LYPD6B: variants seen among roughly 807,000 people sequenced by gnomAD.
The protein encoded by LYPD6B is ly6/PLAUR domain-containing protein 6B.
LYPD6B carries 17 observed loss-of-function variants against 22.8 expected under a neutral mutation model. That is an observed-to-expected ratio of 0.75 (90% CI 0.51 to 1.12). The LOEUF (loss-of-function observed/expected upper bound fraction) is 1.12. LYPD6B is among the 50% of genes most tolerant of loss of function. The pLI, the probability that LYPD6B is intolerant of heterozygous loss-of-function variation, is 0.00. For missense variants in LYPD6B, 221 were observed against 258.3 expected, an observed-to-expected ratio of 0.86 and a Z score of 0.99; for synonymous variants, 106 against 91.6, an observed-to-expected ratio of 1.16 and a Z score of -0.90.
intron 1 of LYPD6B, among the ~76,000 whole-genome samples, chr2:149,079,316 A>T (rs1330335279): frequency 6.6e-6 from 1 of 152,180 alleles, no homozygotes; most frequent in Non-Finnish European, 1.5e-5. Flanking sequence ...TACTAAATCG[A>T]ATCTAGATGT....
intron 3 of LYPD6B, chr2:149,204,405 AC>A (rs1427334943): frequency 6.5e-6 from 1 of 154,350 alleles, no homozygotes; most frequent in African/African-American, 2.4e-5. Context: ...TTTTCTTGCT[AC>A]CAGTTCTGCC....
At chr2:149,175,061 C>G (rs1723310) in intron 3 of LYPD6B, among the ~76,000 whole-genome samples, 57,249 of 113,216 alleles carry the variant, frequency 0.51, 13,833 homozygotes, top group Non-Finnish European at 0.53. Context: ...CTCTCTCTCT[C>G]TGTGTGTGTG....
chr2:149,139,455 A>G (rs536667291), intron 2 of LYPD6B, among the ~76,000 whole-genome samples: 2 of 152,306 alleles, frequency 1.3e-5, no homozygotes, highest in East Asian at 3.9e-4. Context: ...CCCCTCTTGT[A>G]ATAATGTCAC....
At chr2:149,088,974 A>G (rs989644369) in intron 1 of LYPD6B, among the ~76,000 whole-genome samples, 48 of 152,160 alleles carry the variant, frequency 3.2e-4, no homozygotes, top group African/African-American at 1.1e-3. Context: ...GAGCTACCAC[A>G]TACTTCCTTT....
At chr2:149,054,004 T>C (rs1683678702) in intron 1 of LYPD6B, among the ~76,000 whole-genome samples, 2 of 152,374 alleles carry the variant, frequency 1.3e-5, no homozygotes, top group African/African-American at 2.4e-5. Context: ...CATTTATCAG[T>C]TGATGGACAT....
chr2:149,130,784 G>A (rs1687980224), intron 1 of LYPD6B, 99 bp from the exon 2 acceptor site: 2 of 612,126 alleles, frequency 3.3e-6, no homozygotes, highest in South Asian at 4.4e-5. Context: ...TCTTTATGAT[G>A]TGTCCCCAGC....
intron 2 of LYPD6B, among the ~76,000 whole-genome samples, chr2:149,149,575 G>A (rs994931737): frequency 1.3e-5 from 2 of 152,174 alleles, no homozygotes; most frequent in Non-Finnish European, 2.9e-5. Context: ...CTGCCTTTGA[G>A]GAATTTATAT....
intron 1 of LYPD6B, among the ~76,000 whole-genome samples, chr2:149,058,214 C>T (rs1683898691): frequency 6.6e-6 from 1 of 152,218 alleles, no homozygotes; most frequent in South Asian, 2.1e-4. Context: ...ATTCCCAAGC[C>T]TCCATCAAGC....
chr2:149,192,950 G>A (rs1692588434), intron 3 of LYPD6B, among the ~76,000 whole-genome samples: 1 of 152,100 alleles, frequency 6.6e-6, no homozygotes, highest in South Asian at 2.1e-4. Flanking sequence ...GGGGAGTGAT[G>A]AGCCCTGAAG....
intron 1 of LYPD6B, among the ~76,000 whole-genome samples, chr2:149,094,876 C>T (rs1206643696): frequency 6.6e-6 from 1 of 152,150 alleles, no homozygotes; most frequent in Non-Finnish European, 1.5e-5. Context: ...GCAACTCCAA[C>T]AGTTGCTATC....
chr2:149,070,349 A>ACATCTACAAG (rs1684539462), intron 1 of LYPD6B, among the ~76,000 whole-genome samples: 1 of 152,108 alleles, frequency 6.6e-6, no homozygotes, highest in Non-Finnish European at 1.5e-5. Context: ...CTACAAGTTT[A>ACATCTACAAG]TTCCTTCTGC....
intron 1 of LYPD6B, among the ~76,000 whole-genome samples, chr2:149,088,275 G>A (rs1435491330): frequency 6.6e-6 from 1 of 152,084 alleles, no homozygotes; most frequent in Non-Finnish European, 1.5e-5. Context: ...AACTGTTTAG[G>A]ATTTAGGGAT....
chr2:149,209,376 T>C (rs944196736), intron 5 of LYPD6B, among the ~76,000 whole-genome samples: 1 of 152,086 alleles, frequency 6.6e-6, no homozygotes, highest in African/African-American at 2.4e-5. Context: ...AGGTGAATGA[T>C]TGAATGCATA....
chr2:149,208,327 A>G lies in LYPD6B; in HGVS notation c.243A>G (p.Pro81=). The stretch of plus-strand genomic sequence containing the variant: ...TTTTCTTTAAAGCTACACCATTTCC[A>G]AATAGCTTCAAGTGCTTTACTTGTG... ...VRPPLDPTPF[P]NSFKCFTCEN... Residue 81 remains proline (P), a synonymous_variant, in exon 5 of 7, where the codon CCA becomes CCG. Coordinates refer to ENST00000409642, the MANE Select transcript of LYPD6B (RefSeq NM_177964.5). The G allele has an allele frequency of 6.2e-7, 1 of 1,613,554 alleles. No individual in the cohort carries two copies. Among genetic ancestry groups the G allele is most frequent in the Non-Finnish European group, 8.5e-7 (1 of 1,179,572 alleles).
At chr2:149,052,202 A>T (rs4667362) in intron 1 of LYPD6B, among the ~76,000 whole-genome samples, 1 of 151,660 alleles carries the variant, frequency 6.6e-6, no homozygotes, top group South Asian at 2.1e-4. Context: ...AATTACAAGC[A>T]CGCCCCACCA....
chr2:149,201,045 G>A (rs886987839), intron 3 of LYPD6B, among the ~76,000 whole-genome samples: 2 of 152,164 alleles, frequency 1.3e-5, no homozygotes, highest in Admixed American at 1.3e-4. Flanking sequence ...TTGAAGTCAC[G>A]ATACCTAATA....
intron 2 of LYPD6B, among the ~76,000 whole-genome samples, chr2:149,154,485 AT>A (rs35656092): frequency 0.77 from 117,519 of 151,702 alleles, 45,947 homozygotes; most frequent in Non-Finnish European, 0.83. Context: ...TTAAGCCACC[AT>A]TTTTTTTTGT....
intron 3 of LYPD6B, among the ~76,000 whole-genome samples, chr2:149,201,026 G>C (rs573463117): frequency 1.3e-5 from 2 of 152,338 alleles, no homozygotes; most frequent in East Asian, 3.9e-4. Flanking sequence ...AAAATGTTTT[G>C]AGCTACGCTT....
At chr2:149,181,633 A>T (rs1053349659) in intron 3 of LYPD6B, among the ~76,000 whole-genome samples, 1 of 152,168 alleles carries the variant, frequency 6.6e-6, no homozygotes, top group African/African-American at 2.4e-5. Context: ...TCATTGCTTG[A>T]AAGACTCTAA....
Sources: gnomAD v4.1 joint callset for allele counts (sites outside exome capture counted in the v4.1 genomes callset) on GRCh38, gnomAD v4.1.1 for gene constraint, MANE v1.5 for transcripts, NCBI Gene and HGNC (gene_info 2026-07-23, HGNC 2026-07-21) for gene names.